CYRIA: variants seen among roughly 807,000 people sequenced by gnomAD.
CYRIA encodes the protein CYFIP-related Rac1 interactor A.
CYRIA carries 15 observed loss-of-function variants against 43.9 expected under a neutral mutation model. The ratio of observed to expected loss-of-function variants is 0.34; its 90% CI spans 0.23 to 0.53. The LOEUF is 0.53. CYRIA is among the 20% of genes least tolerant of loss of function. The pLI, the probability that CYRIA is intolerant of heterozygous loss-of-function variation, is 0.94. For synonymous variants in CYRIA, 117 were observed against 136.0 expected (o/e 0.86, Z 0.97); for missense variants, 236 against 394.2 (o/e 0.60, Z 3.40).
rs112416020 is a variant in CYRIA at position 16,628,572 on chromosome 2, T to C, written c.-166-4553A>G. On this transcript the variant is annotated intron_variant, in intron 1 of 11. Coordinates refer to ENST00000381323, the MANE Select transcript of CYRIA (RefSeq NM_030797.4). The stretch of plus-strand genomic sequence containing the variant: ...CACTTTTATATACACAGTCATACAG[T>C]TGGGGTGATTTAATGGTTTATCATC... Among the ~76,000 whole-genome samples, 566 of 152,324 alleles carry C rather than the reference T, an allele frequency of 3.7e-3. 3 individuals are homozygous for C. The highest frequency in any genetic ancestry group is 0.011 in the African/African-American group (473 of 41,574).
intron 2 of CYRIA, among the ~76,000 whole-genome samples, chr2:16,610,398 C>T (rs933830138): frequency 3.9e-5 from 6 of 152,244 alleles, no homozygotes; most frequent in African/African-American, 7.2e-5. Flanking sequence ...TGGCTTAAGA[C>T]ATGGCCTGTG....
At chr2:16,628,157 G>GAAT (rs1170199163) in intron 1 of CYRIA, among the ~76,000 whole-genome samples, 1 of 112,572 alleles carries the variant, frequency 8.9e-6, no homozygotes, top group Admixed American at 9.0e-5. Context: ...CACAGCCCTA[G>GAAT]AATAATAACA....
chr2:16,618,348 T>C (rs995060754), intron 2 of CYRIA, among the ~76,000 whole-genome samples: 7 of 152,054 alleles, frequency 4.6e-5, no homozygotes, highest in African/African-American at 1.7e-4. Context: ...GAATGCTCAC[T>C]CCCCCTGGGT....
chr2:16,653,249 G>A (rs542904962), intron 1 of CYRIA, among the ~76,000 whole-genome samples: 3 of 152,162 alleles, frequency 2.0e-5, no homozygotes, highest in Non-Finnish European at 4.4e-5. Context: ...GCCTGCAACC[G>A]GTCACTTGTC....
intron 1 of CYRIA, among the ~76,000 whole-genome samples, chr2:16,638,632 C>T (rs756839968): frequency 1.5e-4 from 23 of 152,064 alleles, no homozygotes; most frequent in African/African-American, 4.1e-4. Flanking sequence ...AGGCTTGCAC[C>T]GCACATGAGG....
At chr2:16,607,910 T>A (rs1328229126) in intron 2 of CYRIA, among the ~76,000 whole-genome samples, 1 of 152,200 alleles carries the variant, frequency 6.6e-6, no homozygotes, top group Non-Finnish European at 1.5e-5. Flanking sequence ...GCCTCTGTTT[T>A]CTTGCTCATA....
chr2:16,653,238 G>C (rs1193357905), intron 1 of CYRIA, among the ~76,000 whole-genome samples: 1 of 152,158 alleles, frequency 6.6e-6, no homozygotes, highest in East Asian at 1.9e-4. Context: ...ATGACCCCAT[G>C]GCCTGCAACC....
chr2:16,619,321 A>G (rs1444152696), intron 2 of CYRIA, among the ~76,000 whole-genome samples: 1 of 152,240 alleles, frequency 6.6e-6, no homozygotes, highest in East Asian at 1.9e-4. Context: ...ACACACACGT[A>G]GGTACATGCA....
intron 2 of CYRIA, among the ~76,000 whole-genome samples, chr2:16,604,573 C>T (rs1054329503): frequency 1.3e-5 from 2 of 152,234 alleles, no homozygotes; most frequent in Admixed American, 6.5e-5. Flanking sequence ...AAACTACCCA[C>T]TTCCATTTAA....
At chr2:16,643,937 A>G (rs1304236420) in intron 1 of CYRIA, among the ~76,000 whole-genome samples, 1 of 152,222 alleles carries the variant, frequency 6.6e-6, no homozygotes, top group African/African-American at 2.4e-5. Flanking sequence ...GTGCCTGCAG[A>G]CATTCCGTAA....
chr2:16,665,523 G>A (rs1238810272), intron 1 of CYRIA, among the ~76,000 whole-genome samples: 6 of 152,180 alleles, frequency 3.9e-5, no homozygotes, highest in African/African-American at 1.4e-4. Context: ...ACACAATCAG[G>A]AGGCAGCCCT....
intron 1 of CYRIA, among the ~76,000 whole-genome samples, chr2:16,644,688 A>C (rs1669769997): frequency 6.6e-6 from 1 of 152,210 alleles, no homozygotes; most frequent in African/African-American, 2.4e-5. Flanking sequence ...CTCTAGAAGT[A>C]ACTTCCTTGG....
At chr2:16,643,105 T>A (rs1344085285) in intron 1 of CYRIA, among the ~76,000 whole-genome samples, 1 of 151,504 alleles carries the variant, frequency 6.6e-6, no homozygotes, top group Non-Finnish European at 1.5e-5. Context: ...TAATAAAATA[T>A]TATTATTGTT....
chr2:16,608,050 T>C (rs568822876), intron 2 of CYRIA, among the ~76,000 whole-genome samples: 1 of 152,096 alleles, frequency 6.6e-6, no homozygotes, highest in Admixed American at 6.5e-5. Context: ...TGACTGGCTG[T>C]CAGTGTTTTA....
intron 3 of CYRIA, among the ~76,000 whole-genome samples, chr2:16,580,088 C>T (rs914119720): frequency 6.6e-6 from 1 of 151,928 alleles, no homozygotes; most frequent in Non-Finnish European, 1.5e-5. Flanking sequence ...GCTGGGACTA[C>T]AGGTGCATGC....
intron 10 of CYRIA, among the ~76,000 whole-genome samples, chr2:16,558,905 T>C (rs546120109): frequency 4.6e-5 from 7 of 152,134 alleles, no homozygotes; most frequent in Admixed American, 1.3e-4. Flanking sequence ...GATGAGGCGA[T>C]GTTTGAAACA....
chr2:16,572,059 G>T (rs181581677), intron 3 of CYRIA, among the ~76,000 whole-genome samples: 287 of 152,300 alleles, frequency 1.9e-3, no homozygotes, highest in African/African-American at 6.8e-3. Flanking sequence ...AAGAGTAGGA[G>T]GGTCAAAGTT....
chr2:16,582,381 G>T (rs1196632981), intron 3 of CYRIA, among the ~76,000 whole-genome samples: 1 of 152,058 alleles, frequency 6.6e-6, no homozygotes, highest in Non-Finnish European at 1.5e-5. Context: ...CATACGATTT[G>T]CCCATTTAAA....
At chr2:16,645,948 C>T (rs920357359) in intron 1 of CYRIA, among the ~76,000 whole-genome samples, 2 of 152,246 alleles carry the variant, frequency 1.3e-5, no homozygotes, top group African/African-American at 4.8e-5. Flanking sequence ...TACACGCACA[C>T]ACCCACACAA....
Sources: gnomAD v4.1 joint callset for allele counts (sites outside exome capture counted in the v4.1 genomes callset) on GRCh38, gnomAD v4.1.1 for gene constraint, MANE v1.5 for transcripts, NCBI Gene and HGNC (gene_info 2026-07-23, HGNC 2026-07-21) for gene names.